Variants in MYO5A observed in about 807,000 individuals in gnomAD.
MYO5A encodes myosin VA, also known as unconventional myosin-Va.
In MYO5A, 98 loss-of-function variants were observed where a neutral mutation model predicts 249.7. That is an observed-to-expected ratio of 0.39 (90% CI 0.33 to 0.46). The LOEUF (loss-of-function observed/expected upper bound fraction) is 0.46, where lower values mean the gene tolerates loss of function less well. Ranked by LOEUF, MYO5A falls within the 20% of genes least tolerant of loss-of-function variation. The pLI is 0.98. For missense variants in MYO5A, 1,696 were observed against 2,308.8 expected (o/e 0.73, Z 5.44); for synonymous variants, 778 against 810.6 (o/e 0.96, Z 0.68).
intron 5 of MYO5A, among the ~76,000 whole-genome samples, chr15:52,413,788 A>ATT (rs1429730202): frequency 3.9e-5 from 6 of 152,132 alleles, no homozygotes; most frequent in African/African-American, 1.4e-4. Context: ...ATTTTTCTTA[A>ATT]TCCAAATTCT....
chr15:52,526,968 G>A (rs955397804), intron 1 of MYO5A, among the ~76,000 whole-genome samples: 1 of 152,068 alleles, frequency 6.6e-6, no homozygotes, highest in Non-Finnish European at 1.5e-5. Context: ...ACTGGAAGAA[G>A]AATTTTCTTT....
At chr15:52,408,765 A>G (rs2043121241) in intron 6 of MYO5A, among the ~76,000 whole-genome samples, 1 of 152,336 alleles carries the variant, frequency 6.6e-6, no homozygotes, top group African/African-American at 2.4e-5. Context: ...TCATACACCT[A>G]ATAGTTTATC....
intron 4 of MYO5A, among the ~76,000 whole-genome samples, chr15:52,420,286 C>T (rs1323893035): frequency 7.0e-6 from 1 of 142,698 alleles, no homozygotes; most frequent in African/African-American, 2.7e-5. Context: ...GCCTGGGTGA[C>T]ATAGTGAGAC....
intron 33 of MYO5A, among the ~76,000 whole-genome samples, chr15:52,337,344 A>G (rs1288450186): frequency 1.3e-5 from 2 of 152,248 alleles, no homozygotes; most frequent in Admixed American, 6.5e-5. Flanking sequence ...AATCAAAAAG[A>G]AAGTGGACAA....
intron 18 of MYO5A, among the ~76,000 whole-genome samples, chr15:52,379,177 C>G (rs948431380): frequency 4.6e-5 from 7 of 152,280 alleles, no homozygotes; most frequent in Non-Finnish European, 8.8e-5. Flanking sequence ...CATAGCTGGA[C>G]GTCGCTTTGT....
rs541166570 is a variant in MYO5A, at chr15:52,446,775, C to T, written c.28-13490G>A. ...TTCTATCAGTGTGCCCTGGATGGGA[C>T]GTGTAGTCAAACAGGATTATCTTGG... On this transcript the variant is annotated intron_variant, in intron 1 of 41. Transcript: ENST00000399233. 4.6e-5 allele frequency among the ~76,000 whole-genome samples: 7 copies of T among 152,264 alleles called. No homozygotes were observed. In the South Asian group the frequency reaches 6.2e-4, roughly 14 times the overall value.
intron 4 of MYO5A, among the ~76,000 whole-genome samples, chr15:52,418,730 TAGAG>T (rs1416356237): frequency 3.8e-5 from 5 of 132,636 alleles, no homozygotes; most frequent in Admixed American, 9.2e-5. Flanking sequence ...AAGAGAGAGA[TAGAG>T]AAAGAGAGAA....
At chr15:52,356,800 CTT>C (rs11316458) in intron 25 of MYO5A, among the ~76,000 whole-genome samples, 1,626 of 105,762 alleles carry the variant, frequency 0.015, 34 homozygotes, top group Middle Eastern at 0.029. Flanking sequence ...ATTTCTTTGA[CTT>C]TTTTTTTTTT....
chr15:52,372,947 G>A (rs1267204633), intron 20 of MYO5A, among the ~76,000 whole-genome samples: 1 of 147,894 alleles, frequency 6.8e-6, no homozygotes, highest in Non-Finnish European at 1.5e-5. Flanking sequence ...AGTTTGTACT[G>A]ATTTATTGAT....
intron 1 of MYO5A, among the ~76,000 whole-genome samples, chr15:52,440,231 C>T (rs1237193935): frequency 6.6e-6 from 1 of 152,074 alleles, no homozygotes; most frequent in Non-Finnish European, 1.5e-5. Context: ...CCCAGCCTTG[C>T]ATGTTTAAGG....
intron 1 of MYO5A, among the ~76,000 whole-genome samples, chr15:52,513,972 T>C (rs2077448290): frequency 6.6e-6 from 1 of 152,120 alleles, no homozygotes; most frequent in African/African-American, 2.4e-5. Context: ...ATGTTAAAAC[T>C]GGCCAAGAGA....
intron 1 of MYO5A, among the ~76,000 whole-genome samples, chr15:52,462,091 G>A (rs145197943): frequency 1.2e-4 from 18 of 148,644 alleles, no homozygotes; most frequent in African/African-American, 2.5e-4. Flanking sequence ...CTGAAACCCC[G>A]TCTCTACTAA....
intron 1 of MYO5A, among the ~76,000 whole-genome samples, chr15:52,477,197 T>C (rs11852250): frequency 0.15 from 22,830 of 152,200 alleles, 1,809 homozygotes; most frequent in Middle Eastern, 0.22. Context: ...CTACTGAAGC[T>C]TGTGCATGCG....
intron 1 of MYO5A, among the ~76,000 whole-genome samples, chr15:52,525,848 C>T (rs1374947374): frequency 6.6e-6 from 1 of 152,168 alleles, no homozygotes; most frequent in East Asian, 1.9e-4. Flanking sequence ...TGTCTGCCTG[C>T]TGTTGAGGTA....
intron 5 of MYO5A, among the ~76,000 whole-genome samples, chr15:52,411,175 C>T (rs2043232362): frequency 1.3e-5 from 2 of 152,142 alleles, no homozygotes; most frequent in South Asian, 4.1e-4. Context: ...AAAAACTTCA[C>T]CTGCTTTACA....
At chr15:52,488,693 AAAG>A (rs1406742848) in intron 1 of MYO5A, among the ~76,000 whole-genome samples, 1 of 152,212 alleles carries the variant, frequency 6.6e-6, no homozygotes, top group Non-Finnish European at 1.5e-5. Flanking sequence ...ATGTTGGGAA[AAAG>A]AAGAAATGAA....
chr15:52,484,937 G>T (rs1391353552), intron 1 of MYO5A, among the ~76,000 whole-genome samples: 3 of 152,118 alleles, frequency 2.0e-5, no homozygotes, highest in Non-Finnish European at 4.4e-5. Context: ...GGCCAGGCTG[G>T]TCTTGAACTC....
At chr15:52,498,811 G>C (rs970526826) in intron 1 of MYO5A, among the ~76,000 whole-genome samples, 2 of 151,960 alleles carry the variant, frequency 1.3e-5, no homozygotes, top group African/African-American at 4.8e-5. Flanking sequence ...TTCCTTTATG[G>C]TTTGCCTTCA....
intron 1 of MYO5A, among the ~76,000 whole-genome samples, chr15:52,462,023 G>A (rs2141416159): frequency 6.6e-6 from 1 of 151,652 alleles, no homozygotes; most frequent in African/African-American, 2.4e-5. Flanking sequence ...CAGCACTTTG[G>A]GAGGCCGAGG....
Sources: gnomAD v4.1 joint callset for allele counts (sites outside exome capture counted in the v4.1 genomes callset) on GRCh38, gnomAD v4.1.1 for gene constraint, MANE v1.5 for transcripts, NCBI Gene and HGNC (gene_info 2026-07-23, HGNC 2026-07-21) for gene names.